The following UNC13C variants were observed in gnomAD, a reference collection of about 807,000 sequenced individuals.
The protein encoded by UNC13C is unc-13 homolog C, also known as protein unc-13 homolog C.
In UNC13C, 174 loss-of-function variants were observed where a neutral mutation model predicts 245.4. That is an observed-to-expected ratio of 0.71 (90% confidence interval 0.63 to 0.80). The LOEUF (loss-of-function observed/expected upper bound fraction) is 0.80. Ranked by LOEUF, UNC13C falls within the 30% of genes least tolerant of loss-of-function variation. The pLI is 0.00. For missense variants in UNC13C, 2,829 were observed against 2,602.9 expected (o/e 1.09, Z -1.89); for synonymous variants, 992 against 895.1 (o/e 1.11, Z -1.93).
chr15:54,532,655 GACT>G (rs1895804185), intron 25 of UNC13C, among the ~76,000 whole-genome samples: 1 of 133,300 alleles, frequency 7.5e-6, no homozygotes, highest in Non-Finnish European at 1.7e-5. Flanking sequence ...TCTCAACTGT[GACT>G]ATCAGAGGTG....
intron 30 of UNC13C, among the ~76,000 whole-genome samples, chr15:54,614,730 T>G (rs187283217): frequency 4.6e-5 from 7 of 152,130 alleles, no homozygotes; most frequent in Admixed American, 4.6e-4. Context: ...TCTTCTTCCT[T>G]TTCTTCTTGG....
Position 54,273,251 on chromosome 15 carries a change from A to G in UNC13C, c.3818+7755A>G, listed in dbSNP as rs556810028. ...AATTGTCCCAAGGGCAGAAATGATT[A>G]TGCTTGTTTATTCCTCTCTTCTTCT... On this transcript the variant is annotated intron_variant, in intron 10 of 32. Coordinates refer to ENST00000260323, the MANE Select transcript of UNC13C (RefSeq NM_001080534.3). 2.6e-5 allele frequency among the ~76,000 whole-genome samples: 4 copies of G among 152,296 alleles called. No individual in the cohort carries two copies. The South Asian group carries it at 6.2e-4, about 24-fold the overall frequency.
rs114566070 is a variant in UNC13C at position 54,264,046 on chromosome 15, A to G, written c.3449-122A>G. On this transcript the variant is annotated intron_variant, in intron 8 of 32. Transcript: ENST00000260323. The stretch of plus-strand genomic sequence containing the variant: ...CATTATGATATTTTTCTAAAAAGCC[A>G]CCTGACTCCACAGAATGAAAGCACT... 877 of 934,710 alleles carry G rather than the reference A, an allele frequency of 9.4e-4. 8 individuals carry two copies. The African/African-American group carries it at 0.013, about 14-fold the overall frequency. The allele number at this position is 934,710 out of a possible 1,614,324, so 57.9% of individuals were successfully genotyped here.
At chr15:54,591,894 T>A (rs1239741215) in intron 30 of UNC13C, among the ~76,000 whole-genome samples, 1 of 152,150 alleles carries the variant, frequency 6.6e-6, no homozygotes, top group African/African-American at 2.4e-5. Context: ...AGATTGTCTG[T>A]GTGTGCTCTT....
At chr15:53,985,873 C>T (rs574068649) in intron 1 of UNC13C, among the ~76,000 whole-genome samples, 1 of 152,062 alleles carries the variant, frequency 6.6e-6, no homozygotes, top group Non-Finnish European at 1.5e-5. Context: ...TATCCTTCCT[C>T]TCTTCCTTTG....
intron 19 of UNC13C, among the ~76,000 whole-genome samples, chr15:54,463,128 TGCACCACTCA>T (rs1891948258): frequency 6.6e-6 from 1 of 151,482 alleles, no homozygotes; most frequent in South Asian, 2.1e-4. Flanking sequence ...GGATTGTAAA[TGCACCACTCA>T]GCACCCTGTG....
intron 19 of UNC13C, among the ~76,000 whole-genome samples, chr15:54,444,415 C>T (rs1453176544): frequency 6.6e-6 from 1 of 151,394 alleles, no homozygotes; most frequent in Non-Finnish European, 1.5e-5. Flanking sequence ...CTATATATGT[C>T]AGATAACAGG....
chr15:54,287,341 C>T (rs1596148854), intron 10 of UNC13C, among the ~76,000 whole-genome samples: 1 of 152,284 alleles, frequency 6.6e-6, no homozygotes, highest in Admixed American at 6.5e-5. Context: ...CCATAGAACA[C>T]AGCAAGTATA....
intron 6 of UNC13C, 31 bp downstream of exon 6, chr15:54,236,466 T>C: frequency 6.3e-7 from 1 of 1,579,852 alleles, no homozygotes; most frequent in Non-Finnish European, 8.6e-7. Flanking sequence ...TTAATTAATA[T>C]TTTGCAGTCT....
chr15:54,230,468 ATAAT>A (rs35156659), intron 4 of UNC13C, among the ~76,000 whole-genome samples: 72,686 of 151,308 alleles, frequency 0.48, 17,731 homozygotes, highest in South Asian at 0.54. Context: ...AGTGAAAATA[ATAAT>A]TAATCTCTAC....
chr15:53,905,485 TG>T, the UNC13C span, among the ~76,000 whole-genome samples: 3 of 151,010 alleles, frequency 2.0e-5, no homozygotes, highest in African/African-American at 4.9e-5. Flanking sequence ...TGAATGAACC[TG>T]GAAGACATTA....
chr15:54,318,142 C>G (rs1395348289), intron 13 of UNC13C, among the ~76,000 whole-genome samples: 1 of 151,862 alleles, frequency 6.6e-6, no homozygotes, highest in African/African-American at 2.4e-5. Context: ...CTGATAGATA[C>G]TTAGGTTGAT....
At chr15:54,545,622 GA>G (rs1347601483) in intron 26 of UNC13C, among the ~76,000 whole-genome samples, 2 of 151,892 alleles carry the variant, frequency 1.3e-5, no homozygotes, top group Admixed American at 6.6e-5. Context: ...AAATTTACAA[GA>G]AAAAAATATC....
chr15:54,351,291 A>T (rs2038977166), intron 17 of UNC13C, among the ~76,000 whole-genome samples: 1 of 152,192 alleles, frequency 6.6e-6, no homozygotes, highest in Non-Finnish European at 1.5e-5. Flanking sequence ...TAGTAGAATG[A>T]TACGTGACAT....
intron 17 of UNC13C, among the ~76,000 whole-genome samples, chr15:54,361,415 A>T (rs148985862): frequency 6.6e-6 from 1 of 151,940 alleles, no homozygotes; most frequent in Non-Finnish European, 1.5e-5. Flanking sequence ...TCAGTTTTCT[A>T]TCTATATTTT....
chr15:53,991,348 G>A (rs966197309), intron 1 of UNC13C, among the ~76,000 whole-genome samples: 18 of 151,936 alleles, frequency 1.2e-4, no homozygotes, highest in South Asian at 1.0e-3. Context: ...TATGTGGGTG[G>A]GAAAGGTAAA....
intron 29 of UNC13C, among the ~76,000 whole-genome samples, chr15:54,558,003 C>T (rs112222893): frequency 0.068 from 10,298 of 151,778 alleles, 417 homozygotes; most frequent in East Asian, 0.12. Context: ...ATCGCAAGAA[C>T]GAAAAACCAA....
intron 17 of UNC13C, among the ~76,000 whole-genome samples, chr15:54,367,991 T>C (rs2039403364): frequency 6.6e-6 from 1 of 152,146 alleles, no homozygotes; most frequent in African/African-American, 2.4e-5. Flanking sequence ...ACGTTCATAT[T>C]GTATTAAAAA....
At position 54,552,698 on chromosome 15, in the gene UNC13C, T is replaced by TATAA. The variant is rs1566905151; in HGVS notation, c.5878-2731_5878-2730insAATA. Reference sequence around the variant, plus strand: ...ATAATATAATTATATAATTATATATTATATATAATTATATTATATTGTACA... The same window carrying TATAA: ...ATAATATAATTATATAATTATATATTATAAATATATAATTATATTATATTGTACA... On this transcript the variant is annotated intron_variant, in intron 28 of 32. Transcript: ENST00000260323. 1.5e-3 allele frequency among the ~76,000 whole-genome samples: 128 copies of TATAA among 83,214 alleles called. 1 individual carries two copies. The highest frequency in any genetic ancestry group is 2.5e-3 in the Non-Finnish European group (122 of 49,048). 54.6% of individuals were successfully genotyped at this position (83,214 alleles called of 152,430 possible). A position where few individuals can be genotyped will look rare whatever the true frequency, so the allele number is the denominator to read the frequency against.
Sources: allele counts gnomAD v4.1 joint callset (sites outside exome capture counted in the v4.1 genomes callset), GRCh38; gene constraint gnomAD v4.1.1; transcripts MANE v1.5; gene names NCBI Gene and HGNC (gene_info 2026-07-23, HGNC 2026-07-21).